Variants in NEK10 observed in about 807,000 individuals in gnomAD.
The protein encoded by NEK10 is NIMA related kinase 10, also known as serine/threonine-protein kinase Nek10.
Under a neutral mutation model 159.8 loss-of-function variants are expected in NEK10, and 122 were observed. The observed-to-expected ratio is 0.76, with a 90% CI of 0.66 to 0.89. The LOEUF (loss-of-function observed/expected upper bound fraction) is 0.89. Among genes scored for constraint, NEK10 ranks in the 40% least tolerant of loss-of-function variants. The pLI is 0.00. For missense variants in NEK10, 1,342 were observed against 1,323.1 expected (o/e 1.01, Z -0.22); for synonymous variants, 466 against 457.1 (o/e 1.02, Z -0.25).
chr3:27,350,078 C>G (rs1430740772), intron 3 of NEK10, among the ~76,000 whole-genome samples: 1 of 152,162 alleles, frequency 6.6e-6, no homozygotes, highest in African/African-American at 2.4e-5. Context: ...TCCTCTGTAA[C>G]CTGAATTTGG....
At chr3:27,164,672 G>C (rs1403496584) in intron 29 of NEK10, among the ~76,000 whole-genome samples, 3 of 152,256 alleles carry the variant, frequency 2.0e-5, no homozygotes, top group Middle Eastern at 3.4e-3. Context: ...ATGTGGTCCA[G>C]GCCCTTCCTT....
At chr3:27,158,527 A>G (rs532368478) in intron 30 of NEK10, among the ~76,000 whole-genome samples, 31 of 152,298 alleles carry the variant, frequency 2.0e-4, no homozygotes, top group Non-Finnish European at 2.9e-4. Context: ...TTACTAACAA[A>G]ATGGAAACAT....
intron 7 of NEK10, among the ~76,000 whole-genome samples, chr3:27,312,510 A>C (rs1445933012): frequency 6.6e-6 from 1 of 152,202 alleles, no homozygotes; most frequent in Non-Finnish European, 1.5e-5. Context: ...CATAATACAT[A>C]GTATATAGAA....
chr3:27,313,786 C>A (rs2044911607), intron 7 of NEK10, among the ~76,000 whole-genome samples: 1 of 152,102 alleles, frequency 6.6e-6, no homozygotes, highest in African/African-American at 2.4e-5. Context: ...AACTTCAGCT[C>A]ACTGCAACCT....
intron 30 of NEK10, among the ~76,000 whole-genome samples, chr3:27,146,057 G>A (rs535491353): frequency 2.6e-5 from 4 of 152,198 alleles, no homozygotes; most frequent in African/African-American, 7.2e-5. Flanking sequence ...CTTTTAACAC[G>A]ATGTTCTATC....
intron 23 of NEK10, among the ~76,000 whole-genome samples, chr3:27,233,718 G>A (rs183526852): frequency 6.6e-6 from 1 of 152,078 alleles, no homozygotes; most frequent in East Asian, 1.9e-4. Flanking sequence ...CATTCCTACT[G>A]AAACTATTCC....
At chr3:27,281,280 T>G in intron 22 of NEK10, among the ~76,000 whole-genome samples, 1 of 151,798 alleles carries the variant, frequency 6.6e-6, no homozygotes, top group Non-Finnish European at 1.5e-5. Context: ...AGAAAAGTAG[T>G]GAAGAAATAA....
chr3:27,202,553 C>T lies in NEK10; in HGVS notation c.2095G>A (p.Glu699Lys). 1.2e-6 allele frequency: 2 copies of T among 1,600,686 alleles called. No homozygotes were observed. Among genetic ancestry groups the T allele is most frequent in the South Asian group, 1.1e-5 (1 of 88,636 alleles). The change falls in exon 24 of 36, where the codon GAG becomes AAG. Residue 699 changes from glutamate (E) to lysine (K), a missense_variant. Transcript: ENST00000691995. ...VVGTILYSCP[E>K]VLKSEPYGEK... is the part of the protein sequence containing the mutation. ...CCATACGGCTCACTCTTCAGTACCT[C>T]GGGGCTGAAGTAAAATAAGGACATT...
chr3:27,298,169 C>T (rs1399310884), intron 13 of NEK10, among the ~76,000 whole-genome samples: 1 of 152,072 alleles, frequency 6.6e-6, no homozygotes, highest in Non-Finnish European at 1.5e-5. Context: ...GCTGTGTCCC[C>T]ACCCAAATCT....
rs765844931 is a variant in NEK10, at chr3:27,256,312, T to C, written c.2074A>G (p.Thr692Ala). 2 of 1,542,310 alleles carry C rather than the reference T, an allele frequency of 1.3e-6. No homozygotes were observed. The highest frequency in any genetic ancestry group is 8.7e-7 in the Non-Finnish European group (1 of 1,144,588). ...TGTCCTTACCAAGAATACAGGATTG[T>C]TCCAACCACAGAGGTGAGTTTACTG... is the stretch of plus-strand genomic sequence containing the variant. The part of the protein sequence containing the change: ...ENSKLTSVVG[T>A]ILYSCPEVLK... The change falls in exon 23 of 36, where the codon ACA becomes GCA. Residue 692 changes from threonine to alanine, a missense_variant. Coordinates refer to ENST00000691995, the MANE Select transcript of NEK10 (RefSeq NM_001394966.1).
rs1300636975 is a variant in NEK10, at chr3:27,293,486, G to A, written c.1373+102C>T. The A allele has an allele frequency of 8.8e-6, 5 of 567,958 alleles. No homozygotes were observed. In the East Asian group the frequency reaches 1.1e-4, roughly 13 times the overall value. The allele number at this position is 567,958 out of a possible 1,614,324, so 35.2% of individuals were successfully genotyped here. The stretch of plus-strand genomic sequence containing the variant: ...GAAGACACATGGTTTGCATACTGAC[G>A]CATTATTTTCCTTCTGTTGCATCTA... On this transcript the variant is annotated intron_variant, in intron 16 of 35. Coordinates refer to ENST00000691995, the MANE Select transcript of NEK10 (RefSeq NM_001394966.1).
chr3:27,286,079 CTTTTTTTTTT>C (rs35663067), intron 20 of NEK10, among the ~76,000 whole-genome samples: 4 of 57,712 alleles, frequency 6.9e-5, no homozygotes, highest in Admixed American at 3.2e-4. Context: ...ATTTCCAATT[CTTTTTTTTTT>C]TTTTTTTTTT....
At position 27,108,659 on chromosome 3, in the gene NEK10, T is replaced by G. The variant is rs576064617; in HGVS notation, c.*2613A>C. 2.0e-5 allele frequency among the ~76,000 whole-genome samples: 3 copies of G among 152,108 alleles called. No individual in the cohort carries two copies. Among genetic ancestry groups the G allele is most frequent in the Non-Finnish European group, 4.4e-5 (3 of 68,000 alleles). ...AATTATACAAGAGAAAGGGAAAAAA[T>G]ATATAAATGCAATCAAGAAAAGATT... is the stretch of plus-strand genomic sequence containing the variant. On this transcript the variant is annotated 3_prime_UTR_variant, in exon 36 of 36. Transcript: ENST00000691995.
chr3:27,285,966 G>A (rs897869506), intron 20 of NEK10, among the ~76,000 whole-genome samples: 7 of 149,768 alleles, frequency 4.7e-5, no homozygotes, highest in Non-Finnish European at 7.4e-5. Context: ...ATTCATTTAT[G>A]TACCAATACT....
chr3:27,316,581 A>T (rs1202938391), intron 6 of NEK10, among the ~76,000 whole-genome samples: 2 of 152,186 alleles, frequency 1.3e-5, no homozygotes, highest in East Asian at 3.8e-4. Flanking sequence ...GATTCATCTG[A>T]AGCTTGGGAG....
intron 22 of NEK10, among the ~76,000 whole-genome samples, chr3:27,261,348 T>C (rs1156655360): frequency 2.6e-5 from 4 of 152,210 alleles, no homozygotes; most frequent in African/African-American, 9.7e-5. Flanking sequence ...CTGCTTTCTC[T>C]TGTTGGCATT....
chr3:27,237,527 C>T (rs1012538330), intron 23 of NEK10, among the ~76,000 whole-genome samples: 4 of 152,280 alleles, frequency 2.6e-5, no homozygotes, highest in African/African-American at 4.8e-5. Context: ...GTGGCTCCAG[C>T]CGGTCCCTCC....
chr3:27,121,899 T>C (rs946762482), intron 32 of NEK10, among the ~76,000 whole-genome samples: 3 of 151,398 alleles, frequency 2.0e-5, no homozygotes, highest in Admixed American at 2.0e-4. Context: ...TCATAAAACT[T>C]CATGAGGCTG....
At chr3:27,351,272 G>A (rs771583236) in intron 3 of NEK10, among the ~76,000 whole-genome samples, 2 of 152,178 alleles carry the variant, frequency 1.3e-5, no homozygotes, top group Non-Finnish European at 2.9e-5. Context: ...CAGTGGGAAA[G>A]AATGGGCACT....
Sources: allele counts gnomAD v4.1 joint callset (sites outside exome capture counted in the v4.1 genomes callset), GRCh38; gene constraint gnomAD v4.1.1; transcripts MANE v1.5; gene names NCBI Gene and HGNC (gene_info 2026-07-23, HGNC 2026-07-21).